ABHD2: variants seen among roughly 807,000 people sequenced by gnomAD.
ABHD2 encodes the protein abhydrolase domain containing 2, acylglycerol lipase.
A neutral mutation model predicts 48.1 loss-of-function variants in ABHD2; 20 were observed. The observed-to-expected ratio is 0.42, with a 90% CI of 0.29 to 0.60. The LOEUF (loss-of-function observed/expected upper bound fraction) is 0.60. ABHD2 is among the 20% of genes least tolerant of loss of function. ABHD2 has a pLI of 0.24. For missense variants in ABHD2, 405 were observed against 550.9 expected (o/e 0.74, Z 2.65); for synonymous variants, 209 against 214.2 (o/e 0.98, Z 0.21).
At chr15:89,124,962 G>A (rs570891056) in intron 3 of ABHD2, among the ~76,000 whole-genome samples, 21 of 152,296 alleles carry the variant, frequency 1.4e-4, no homozygotes, top group Non-Finnish European at 2.4e-4. Flanking sequence ...GGTGGCAGGT[G>A]CCTGTAATCC....
Position 89,166,951 on chromosome 15 carries a change from C to T in ABHD2, c.539-8861C>T, listed in dbSNP as rs1370205714. 6.6e-6 allele frequency among the ~76,000 whole-genome samples: 1 copy of T among 152,274 alleles called. No individual in the cohort carries two copies. Among genetic ancestry groups the T allele is most frequent in the East Asian group, 1.9e-4 (1 of 5,186 alleles). The stretch of plus-strand genomic sequence containing the variant: ...CTAATTACACATTCCAATTGAGACA[C>T]TTTTGAGAGTAAAAAGGGACTTTAT... On this transcript the variant is annotated intron_variant, in intron 5 of 10. Transcript: ENST00000352732. The surrounding 1 kb of genome is among the most constrained non-coding windows in gnomAD (Gnocchi z 4.6).
chr15:89,186,929 C>G lies in ABHD2; in HGVS notation c.816-1264C>G, dbSNP rs1567111143. On this transcript the variant is annotated intron_variant, in intron 7 of 10. Coordinates refer to ENST00000352732, the MANE Select transcript of ABHD2 (RefSeq NM_152924.5). This position sits in a 1 kb window ranked among gnomAD's most constrained non-coding sequence, Gnocchi z 4.3. ...CACGTTGCCAAACATGTCCTTGTGT[C>G]CTCGTGTCTGGAAGGAGAGCAGAGG... 6.6e-6 allele frequency among the ~76,000 whole-genome samples: 1 copy of G among 152,344 alleles called. No individual in the cohort carries two copies. The highest frequency in any genetic ancestry group is 1.9e-4 in the East Asian group (1 of 5,186).
chr15:89,087,402 G>A (rs1023642551), upstream of ABHD2: 1 of 152,190 alleles, frequency 6.6e-6, no homozygotes, highest in Non-Finnish European at 1.5e-5. The surrounding 1 kb of genome is among the most constrained non-coding windows in gnomAD (Gnocchi z 5.5). Context: ...TGCCCTACAG[G>A]GGTTGCATTT....
rs926445771 is a variant in ABHD2 at position 89,185,642 on chromosome 15, C to G, written c.815+126C>G. 1.2e-6 allele frequency: 1 copy of G among 817,474 alleles called. No homozygotes were observed. The highest frequency in any genetic ancestry group is 2.0e-6 in the Non-Finnish European group (1 of 509,788). The allele number at this position is 817,474 out of a possible 1,614,324, so 50.6% of individuals were successfully genotyped here. A position where few individuals can be genotyped will look rare whatever the true frequency, so the allele number is the denominator to read the frequency against. ...AAAAAATGCAGGTGTGGTACAGACTCTCTGCTGCCTGCATTTGTGACTTGA... is the reference window on the plus strand; with the variant it reads ...AAAAAATGCAGGTGTGGTACAGACTGTCTGCTGCCTGCATTTGTGACTTGA... On this transcript the variant is annotated intron_variant, in intron 7 of 10. Transcript: ENST00000352732. This position sits in a 1 kb window ranked among gnomAD's most constrained non-coding sequence, Gnocchi z 5.9.
chr15:89,093,923 C>T (rs985130289), intron 1 of ABHD2: 2 of 152,202 alleles, frequency 1.3e-5, no homozygotes, highest in African/African-American at 4.8e-5. Flanking sequence ...TCTTGCCTCT[C>T]GGGTTTTTTT....
upstream of ABHD2, among the ~76,000 whole-genome samples, chr15:89,085,169 A>T (rs1901331295): frequency 6.6e-6 from 1 of 152,120 alleles, no homozygotes; most frequent in African/African-American, 2.4e-5. This position sits in a 1 kb window ranked among gnomAD's most constrained non-coding sequence, Gnocchi z 4.2. Context: ...TTCTGCTTTA[A>T]TGAAGTCCTG....
At chr15:89,191,570 C>T (rs1446934813) in intron 9 of ABHD2, among the ~76,000 whole-genome samples, 1 of 151,882 alleles carries the variant, frequency 6.6e-6, no homozygotes, top group African/African-American at 2.4e-5. Flanking sequence ...CTGGTAAGCA[C>T]AGAGTAAAAC....
intron 9 of ABHD2, among the ~76,000 whole-genome samples, chr15:89,192,022 C>G (rs2051314264): frequency 6.6e-6 from 1 of 151,842 alleles, no homozygotes; most frequent in Non-Finnish European, 1.5e-5. Flanking sequence ...CAACCAAAAT[C>G]TCCATATGTT....
Position 89,151,651 on chromosome 15 carries a change from A to C in ABHD2, c.195-26A>C. The C allele has an allele frequency of 6.9e-6, 11 of 1,584,112 alleles. No homozygotes were observed. Among genetic ancestry groups the C allele is most frequent in the Non-Finnish European group, 9.5e-6 (11 of 1,162,854 alleles). ...ACGTTGCTCAAGGAATGTAGAGAAA[A>C]TTGACCTCCCTTGTCCTTTCTTTAG... On this transcript the variant is annotated intron_variant, in intron 3 of 10. Coordinates refer to ENST00000352732, the MANE Select transcript of ABHD2 (RefSeq NM_152924.5). This position sits in a 1 kb window ranked among gnomAD's most constrained non-coding sequence, Gnocchi z 4.7.
intron 10 of ABHD2, among the ~76,000 whole-genome samples, chr15:89,194,785 A>T (rs1471556425): frequency 1.3e-5 from 2 of 152,192 alleles, no homozygotes; most frequent in Non-Finnish European, 2.9e-5. Flanking sequence ...ATTTTGATGC[A>T]CAAAGTTAGG....
At chr15:89,162,039 A>G (rs973284238) in intron 5 of ABHD2, among the ~76,000 whole-genome samples, 1 of 152,060 alleles carries the variant, frequency 6.6e-6, no homozygotes, top group Non-Finnish European at 1.5e-5. Context: ...TTAAAAGGAC[A>G]CCAGTCATCC....
chr15:89,075,927 T>A, the ABHD2 span, among the ~76,000 whole-genome samples: 1 of 152,154 alleles, frequency 6.6e-6, no homozygotes, highest in Non-Finnish European at 1.5e-5. This position sits in a 1 kb window ranked among gnomAD's most constrained non-coding sequence, Gnocchi z 4.1. Flanking sequence ...AAAGAAGAAC[T>A]GAAAGCCAAC....
At chr15:89,124,438 T>G (rs1369476196) in intron 3 of ABHD2, among the ~76,000 whole-genome samples, 1 of 152,200 alleles carries the variant, frequency 6.6e-6, no homozygotes, top group Non-Finnish European at 1.5e-5. Context: ...GTAAAAAAAA[T>G]TCTGGAACCA....
intron 1 of ABHD2, among the ~76,000 whole-genome samples, chr15:89,093,254 C>A (rs562935701): frequency 6.8e-5 from 10 of 146,586 alleles, no homozygotes; most frequent in East Asian, 4.0e-4. Flanking sequence ...AATCTTGGCT[C>A]GCTGCAACCT....
chr15:89,165,908 G>T (rs145638501), intron 5 of ABHD2, among the ~76,000 whole-genome samples: 2 of 152,180 alleles, frequency 1.3e-5, no homozygotes, highest in African/African-American at 4.8e-5. Context: ...CTCTTTGGCC[G>T]AGTGCCTTAT....
chr15:89,073,516 C>T, the ABHD2 span, among the ~76,000 whole-genome samples: 2 of 148,946 alleles, frequency 1.3e-5, no homozygotes, highest in African/African-American at 5.1e-5. Context: ...AGGCTGGTCT[C>T]GAACTCCTGA....
At chr15:89,084,207 T>A (rs1368929683), upstream of ABHD2, among the ~76,000 whole-genome samples, 3 of 60,712 alleles carry the variant, frequency 4.9e-5, no homozygotes, top group Non-Finnish European at 9.6e-5. The surrounding 1 kb of genome is among the most constrained non-coding windows in gnomAD (Gnocchi z 4.4). Flanking sequence ...ATTTTGCTAG[T>A]GTAAAAAAAA....
Position 89,188,190 on chromosome 15 carries a change from T to C in ABHD2, c.816-3T>C. On this transcript the variant is annotated splice_region_variant and splice_polypyrimidine_tract_variant and intron_variant, in intron 7 of 10. Transcript: ENST00000352732. The surrounding 1 kb of genome is among the most constrained non-coding windows in gnomAD (Gnocchi z 4.1). ...TCTCTGTTTGCTTTTGTGTTTGCTC[T>C]AGGCAAGCTCTTTTTGGAGACCATG... is the stretch of plus-strand genomic sequence containing the variant. 2 of 1,613,936 alleles carry C rather than the reference T, an allele frequency of 1.2e-6. No individual in the cohort carries two copies. Among genetic ancestry groups the C allele is most frequent in the Non-Finnish European group, 1.7e-6 (2 of 1,179,760 alleles).
intron 1 of ABHD2, among the ~76,000 whole-genome samples, chr15:89,089,725 A>C (rs1403734052): frequency 6.6e-6 from 1 of 152,116 alleles, no homozygotes; most frequent in Non-Finnish European, 1.5e-5. Context: ...CCAAAAGAGA[A>C]ATCCTTCACT....
Sources: gnomAD v4.1 joint callset for allele counts (sites outside exome capture counted in the v4.1 genomes callset) on GRCh38, gnomAD v4.1.1 for gene constraint, Gnocchi (gnomAD v3.1) non-coding constraint, MANE v1.5 for transcripts, NCBI Gene and HGNC (gene_info 2026-07-23, HGNC 2026-07-21) for gene names.